The following DYNC2LI1 variants were observed in gnomAD, a reference collection of about 807,000 sequenced individuals.
DYNC2LI1 encodes the protein dynein cytoplasmic 2 light intermediate chain 1, also known as cytoplasmic dynein 2 light intermediate chain 1.
DYNC2LI1 carries 45 observed loss-of-function variants against 51.9 expected under a neutral mutation model. That is an observed-to-expected ratio of 0.87 (90% CI 0.68 to 1.11). The LOEUF (loss-of-function observed/expected upper bound fraction) is 1.11, where lower values mean the gene tolerates loss of function less well. Among genes scored for constraint, DYNC2LI1 ranks in the 50% most tolerant of loss-of-function variants. DYNC2LI1 has a pLI of 0.00. For missense variants in DYNC2LI1, 490 were observed against 417.4 expected (o/e 1.17, Z -1.51); for synonymous variants, 130 against 137.8 (o/e 0.94, Z 0.40).
At chr2:43,777,308 T>C (rs1397837294) in intron 2 of DYNC2LI1, among the ~76,000 whole-genome samples, 1 of 152,228 alleles carries the variant, frequency 6.6e-6, no homozygotes, top group Non-Finnish European at 1.5e-5. Context: ...GGTTATTAAT[T>C]ATTTTGAAAT....
chr2:43,813,589 T>G (rs1666602691), downstream of DYNC2LI1, among the ~76,000 whole-genome samples: 2 of 152,018 alleles, frequency 1.3e-5, no homozygotes, highest in South Asian at 4.2e-4. Flanking sequence ...GTTACTGACA[T>G]TATCACTTAA....
At chr2:43,778,467 C>G (rs533688544) in intron 2 of DYNC2LI1, among the ~76,000 whole-genome samples, 1 of 152,094 alleles carries the variant, frequency 6.6e-6, no homozygotes, top group Admixed American at 6.6e-5. Context: ...CATTATTTCA[C>G]GAGTTTACTA....
chr2:43,817,647 C>T, the DYNC2LI1 span, among the ~76,000 whole-genome samples: 2,548 of 152,098 alleles, frequency 0.017, 52 homozygotes, highest in African/African-American at 0.052. Flanking sequence ...CGGTGGCTCA[C>T]GTCTATAATC....
At chr2:43,778,263 G>A (rs1424668143) in intron 2 of DYNC2LI1, among the ~76,000 whole-genome samples, 8 of 152,114 alleles carry the variant, frequency 5.3e-5, no homozygotes, top group Admixed American at 2.6e-4. Flanking sequence ...TCCCTGGCTC[G>A]GGTGATTTTA....
chr2:43,799,997 G>T (rs981728041), intron 8 of DYNC2LI1, among the ~76,000 whole-genome samples: 1 of 152,150 alleles, frequency 6.6e-6, no homozygotes, highest in African/African-American at 2.4e-5. Flanking sequence ...GGCTTATCTT[G>T]TGGAATTACC....
At chr2:43,795,419 G>A (rs540270420) in intron 6 of DYNC2LI1, among the ~76,000 whole-genome samples, 1 of 151,960 alleles carries the variant, frequency 6.6e-6, no homozygotes, top group Non-Finnish European at 1.5e-5. Flanking sequence ...CAGGAGAATC[G>A]CTTGAACCTG....
At chr2:43,820,512 C>G in the DYNC2LI1 span, among the ~76,000 whole-genome samples, 2,335 of 152,328 alleles carry the variant, frequency 0.015, 32 homozygotes, top group Non-Finnish European at 0.026. Flanking sequence ...GCACCCCCTT[C>G]CCTGAACCTC....
chr2:43,811,833 A>T (rs1467255026), downstream of DYNC2LI1, among the ~76,000 whole-genome samples: 1 of 152,082 alleles, frequency 6.6e-6, no homozygotes, highest in Non-Finnish European at 1.5e-5. Context: ...TGACCTCGTG[A>T]TCCACCCGCC....
downstream of DYNC2LI1, among the ~76,000 whole-genome samples, chr2:43,812,154 G>C (rs4952686): frequency 0.21 from 31,893 of 151,694 alleles, 3,802 homozygotes; most frequent in African/African-American, 0.31. Flanking sequence ...AGGTTTAAGC[G>C]ATCCTTCCAC....
chr2:43,818,728 T>A, the DYNC2LI1 span, among the ~76,000 whole-genome samples: 7 of 152,160 alleles, frequency 4.6e-5, no homozygotes, highest in African/African-American at 1.7e-4. Context: ...TGAAAAAATA[T>A]CCTCCTTGAT....
At chr2:43,782,617 C>T (rs1461938679) in intron 2 of DYNC2LI1, among the ~76,000 whole-genome samples, 2 of 151,438 alleles carry the variant, frequency 1.3e-5, no homozygotes, top group Non-Finnish European at 2.9e-5. Context: ...TAATCCCTGG[C>T]TAAGCTGTGA....
chr2:43,813,221 T>G, downstream of DYNC2LI1: 1 of 1,612,422 alleles, frequency 6.2e-7, no homozygotes, highest in Non-Finnish European at 8.5e-7. Flanking sequence ...TGAATCTAGA[T>G]GTTGCACCTG....
At chr2:43,826,216 A>G in the DYNC2LI1 span, among the ~76,000 whole-genome samples, 1,208 of 146,018 alleles carry the variant, frequency 8.3e-3, 24 homozygotes, top group African/African-American at 0.03. Context: ...CTCAGGATGG[A>G]CTCAAACTCC....
intron 6 of DYNC2LI1, among the ~76,000 whole-genome samples, chr2:43,795,635 T>C (rs1026934071): frequency 6.6e-6 from 1 of 152,082 alleles, no homozygotes; most frequent in African/African-American, 2.4e-5. Flanking sequence ...ATATGTTATA[T>C]AAGGAAATAA....
intron 10 of DYNC2LI1, among the ~76,000 whole-genome samples, chr2:43,804,338 G>C (rs949343748): frequency 1.3e-5 from 2 of 152,114 alleles, no homozygotes; most frequent in African/African-American, 4.8e-5. Flanking sequence ...GGTGTTTCTA[G>C]GGCAAACACT....
rs553189201 is a variant in DYNC2LI1 at position 43,779,623 on chromosome 2, T to C, written c.126+2724T>C. 2.0e-5 allele frequency among the ~76,000 whole-genome samples: 3 copies of C among 152,286 alleles called. No individual in the cohort carries two copies. The East Asian group carries it at 5.8e-4, about 29-fold the overall frequency. ...GGGCACTTAACTCACCCCAGAAAGT[T>C]GGGAGACTAGGAAAGCCTCCTGAAG... On this transcript the variant is annotated intron_variant, in intron 2 of 12. Coordinates refer to ENST00000260605, the MANE Select transcript of DYNC2LI1 (RefSeq NM_016008.4).
Position 43,800,894 on chromosome 2 carries a change from G to A in DYNC2LI1, c.708G>A (p.Gln236=), listed in dbSNP as rs754944839. Residue 236 remains glutamine (Q), a synonymous_variant, in exon 9 of 13, where the codon CAG becomes CAA. Coordinates refer to ENST00000260605, the MANE Select transcript of DYNC2LI1 (RefSeq NM_016008.4). ...TAAAAATACGTGGAGTTATCAACCA[G>A]TTGGCATTTGGCATTGACAAAAGGT... is the stretch of plus-strand genomic sequence containing the variant. ...LLLKIRGVIN[Q]LAFGIDKSKS... 4 of 1,604,604 alleles carry A rather than the reference G, an allele frequency of 2.5e-6. No homozygotes were observed. Among genetic ancestry groups the A allele is most frequent in the Non-Finnish European group, 3.4e-6 (4 of 1,174,924 alleles).
the DYNC2LI1 span, chr2:43,822,764 G>A: frequency 6.1e-5 from 99 of 1,613,818 alleles, no homozygotes; most frequent in South Asian, 6.9e-4. Context: ...CTCCATGGGA[G>A]CCCGGCCCTG....
At chr2:43,818,459 AAAAC>A in the DYNC2LI1 span, among the ~76,000 whole-genome samples, 1 of 152,170 alleles carries the variant, frequency 6.6e-6, no homozygotes, top group East Asian at 1.9e-4. Flanking sequence ...AACAAAAACA[AAAAC>A]AAAATACGGT....
Sources: gnomAD v4.1 joint callset for allele counts (sites outside exome capture counted in the v4.1 genomes callset) on GRCh38, gnomAD v4.1.1 for gene constraint, MANE v1.5 for transcripts, NCBI Gene and HGNC (gene_info 2026-07-23, HGNC 2026-07-21) for gene names.